Variants in APAF1 observed in about 807,000 individuals in gnomAD.
APAF1 encodes the protein apoptotic protease-activating factor 1.
A neutral mutation model predicts 152.4 loss-of-function variants in APAF1; 91 were observed. The observed-to-expected ratio is 0.60, with a 90% CI of 0.50 to 0.71. The LOEUF is 0.71. APAF1 is among the 30% of genes least tolerant of loss of function. The pLI is 0.00. For synonymous variants in APAF1, 484 were observed against 494.1 expected, an observed-to-expected ratio of 0.98 and a Z score of 0.27; for missense variants, 1,283 against 1,472.0, an observed-to-expected ratio of 0.87 and a Z score of 2.10.
chr12:98,697,380 C>A (rs1412462735), intron 16 of APAF1, among the ~76,000 whole-genome samples: 1 of 152,180 alleles, frequency 6.6e-6, no homozygotes, highest in Non-Finnish European at 1.5e-5. Context: ...CCTGTCAACT[C>A]ATTGAGGGTA....
chr12:98,708,283 A>T (rs572179845), intron 19 of APAF1, among the ~76,000 whole-genome samples: 1 of 152,306 alleles, frequency 6.6e-6, no homozygotes, highest in Admixed American at 6.5e-5. Flanking sequence ...AAACAGTTTG[A>T]TAACCAGCAG....
At chr12:98,723,371 T>C (rs2097745767) in intron 23 of APAF1, 59 bp downstream of exon 23, 3 of 1,561,394 alleles carry the variant, frequency 1.9e-6, no homozygotes, top group African/African-American at 1.4e-5. Flanking sequence ...AATGATTATA[T>C]TGAGACAGTC....
chr12:98,689,495 TGA>T (rs61061691), intron 16 of APAF1, among the ~76,000 whole-genome samples: 67 of 151,106 alleles, frequency 4.4e-4, no homozygotes, highest in Non-Finnish European at 7.2e-4. Flanking sequence ...TGTGTGTGTG[TGA>T]GAGAGAGACA....
chr12:98,665,608 C>T lies in APAF1; in HGVS notation c.1011C>T (p.Arg337=). The T allele has an allele frequency of 6.2e-7, 1 of 1,613,712 alleles. No homozygotes were observed. The highest frequency in any genetic ancestry group is 8.5e-7 in the Non-Finnish European group (1 of 1,179,958). ...CACTTTTACGTGATTTTCCCAATCG[C>T]TGGGAGTACTACCTCAAACAGCTTC... ...IGALLRDFPN[R]WEYYLKQLQN... Residue 337 remains arginine (R), a synonymous_variant, in exon 8 of 27, where the codon CGC becomes CGT. Transcript: ENST00000551964.
intron 12 of APAF1, among the ~76,000 whole-genome samples, chr12:98,676,282 T>C (rs1480449143): frequency 6.6e-6 from 1 of 152,112 alleles, no homozygotes; most frequent in Non-Finnish European, 1.5e-5. Flanking sequence ...TGATCTTGGC[T>C]CACTGCAACC....
Position 98,677,428 on chromosome 12 carries a change from C to CA in APAF1, c.1805dup (p.Asn602LysfsTer24), listed in dbSNP as rs758129366. 2.5e-6 allele frequency: 4 copies of CA among 1,612,810 alleles called. No homozygotes were observed. Among genetic ancestry groups the CA allele is most frequent in the South Asian group, 1.1e-5 (1 of 91,032 alleles). On this transcript the variant is annotated frameshift_variant, in exon 13 of 27. Transcript: ENST00000551964. LOFTEE classifies it high-confidence loss of function. ...TTCATTTTTTCCCTGTATTTAGAAA[C>CA]AAAAAAAACATCACGAATCTTTCCC...
intron 14 of APAF1, among the ~76,000 whole-genome samples, chr12:98,682,919 A>G (rs1216428357): frequency 3.3e-5 from 5 of 152,174 alleles, no homozygotes; most frequent in Non-Finnish European, 5.9e-5. Context: ...TAGTTATGCT[A>G]TAGGTACATA....
intron 10 of APAF1, among the ~76,000 whole-genome samples, chr12:98,668,425 T>C (rs551388057): frequency 6.6e-6 from 1 of 152,352 alleles, no homozygotes; most frequent in African/African-American, 2.4e-5. Flanking sequence ...GTGCTTGTTA[T>C]GTATATTGCT....
intron 7 of APAF1, among the ~76,000 whole-genome samples, chr12:98,663,508 C>T (rs558878046): frequency 1.3e-4 from 20 of 152,188 alleles, no homozygotes. Context: ...GTCACCATGT[C>T]CAGCCTGTTA....
chr12:98,688,743 A>C (rs1279530259), intron 16 of APAF1, among the ~76,000 whole-genome samples: 1 of 149,934 alleles, frequency 6.7e-6, no homozygotes, highest in African/African-American at 2.5e-5. Flanking sequence ...TATAGGCGTG[A>C]GCCACCAAGC....
intron 14 of APAF1, among the ~76,000 whole-genome samples, chr12:98,682,214 T>G (rs967804160): frequency 2.0e-5 from 3 of 151,492 alleles, no homozygotes; most frequent in African/African-American, 7.3e-5. Flanking sequence ...CCACCGCGCC[T>G]GGCTAATTTT....
chr12:98,646,939 G>A (rs1376638190), intron 1 of APAF1, among the ~76,000 whole-genome samples: 4 of 152,270 alleles, frequency 2.6e-5, no homozygotes, highest in African/African-American at 9.6e-5. Context: ...ACCTAGAGCT[G>A]ACATCCTCCT....
chr12:98,650,057 G>A (rs557018066), intron 4 of APAF1, among the ~76,000 whole-genome samples: 11 of 152,070 alleles, frequency 7.2e-5, no homozygotes, highest in Admixed American at 2.0e-4. Flanking sequence ...AGGTTCTCAG[G>A]GTATTCATCA....
In APAF1 at chr12:98,689,495, T is replaced by TGAGA. The variant is rs61061691; in HGVS notation, c.2304+2629_2304+2632dup. Among the ~76,000 whole-genome samples the TGAGA allele has an allele frequency of 6.1e-3, 925 of 151,100 alleles. 9 individuals carry two copies. The highest frequency in any genetic ancestry group is 0.019 in the African/African-American group (795 of 41,098). On this transcript the variant is annotated intron_variant, in intron 16 of 26. Coordinates refer to ENST00000551964, the MANE Select transcript of APAF1 (RefSeq NM_181861.2). Reference sequence around the variant, plus strand: ...GTGTCTGTGTGTGTGTGTGTGTGTGTGAGAGAGAGACACAGGGTCTTACTT... The same window carrying TGAGA: ...GTGTCTGTGTGTGTGTGTGTGTGTGTGAGAGAGAGAGAGACACAGGGTCTTACTT...
At chr12:98,709,702 A>G (rs1369105398) in intron 20 of APAF1, among the ~76,000 whole-genome samples, 1 of 152,176 alleles carries the variant, frequency 6.6e-6, no homozygotes, top group African/African-American at 2.4e-5. Flanking sequence ...AGCTGACAGC[A>G]TGTCACTGTG....
chr12:98,658,300 CAA>C (rs2097660372), intron 4 of APAF1, among the ~76,000 whole-genome samples: 1 of 152,102 alleles, frequency 6.6e-6, no homozygotes, highest in Admixed American at 6.6e-5. Flanking sequence ...GCTCAATTAA[CAA>C]TGATGATGAT....
chr12:98,715,128 G>C (rs1453371500), intron 21 of APAF1, among the ~76,000 whole-genome samples: 35 of 146,454 alleles, frequency 2.4e-4, no homozygotes, highest in African/African-American at 7.0e-4. Context: ...GATGAAGTGG[G>C]TAGTTGAGTA....
chr12:98,693,753 C>T lies in APAF1; in HGVS notation c.2305-5655C>T, dbSNP rs74337521. Among the ~76,000 whole-genome samples the T allele has an allele frequency of 3.7e-4, 56 of 150,702 alleles. No individual in the cohort carries two copies. The East Asian group carries it at 9.9e-3, about 27-fold the overall frequency. ...CTTCCTTACCATCATCCTAGGGATT[C>T]CTTTTGCTTTTCTTTTAAATTGGAA... is the stretch of plus-strand genomic sequence containing the variant. On this transcript the variant is annotated intron_variant, in intron 16 of 26. Coordinates refer to ENST00000551964, the MANE Select transcript of APAF1 (RefSeq NM_181861.2).
intron 4 of APAF1, among the ~76,000 whole-genome samples, chr12:98,651,113 C>T (rs1188098704): frequency 1.3e-5 from 2 of 152,194 alleles, no homozygotes; most frequent in Non-Finnish European, 2.9e-5. Context: ...ATACTGGCAA[C>T]TGTACATGTG....
Sources: gnomAD v4.1 joint callset for allele counts (sites outside exome capture counted in the v4.1 genomes callset) on GRCh38, gnomAD v4.1.1 for gene constraint, MANE v1.5 for transcripts, NCBI Gene and HGNC (gene_info 2026-07-23, HGNC 2026-07-21) for gene names.